Variants in KLHL1 observed in about 807,000 individuals in gnomAD.
The protein encoded by KLHL1 is kelch-like protein 1.
KLHL1 carries 47 observed loss-of-function variants against 77.7 expected under a neutral mutation model. That is an observed-to-expected ratio of 0.60 (90% CI 0.48 to 0.77). KLHL1 has a LOEUF of 0.77. Among genes scored for constraint, KLHL1 ranks in the 30% least tolerant of loss-of-function variants. KLHL1 has a pLI of 0.00. For synonymous variants in KLHL1, 360 were observed against 325.2 expected (o/e 1.11, Z -1.15); for missense variants, 925 against 910.8 (o/e 1.02, Z -0.20).
At chr13:69,728,419 GTT>G (rs1167542464) in intron 8 of KLHL1, among the ~76,000 whole-genome samples, 1 of 151,760 alleles carries the variant, frequency 6.6e-6, no homozygotes, top group African/African-American at 2.4e-5. Context: ...TTGTTTGTTT[GTT>G]TGTTTGTTTG....
chr13:69,718,709 G>A (rs1041179622), intron 9 of KLHL1, among the ~76,000 whole-genome samples: 4 of 152,072 alleles, frequency 2.6e-5, no homozygotes, highest in South Asian at 2.1e-4. Flanking sequence ...AGAACTCAGC[G>A]ATACCTGTGC....
At chr13:70,064,759 C>A (rs1886968729) in intron 1 of KLHL1, among the ~76,000 whole-genome samples, 1 of 152,134 alleles carries the variant, frequency 6.6e-6, no homozygotes, top group African/African-American at 2.4e-5. Context: ...ACAGATTTGG[C>A]TGGCGATCCA....
chr13:69,753,748 C>T (rs889359982), intron 7 of KLHL1, among the ~76,000 whole-genome samples: 20 of 152,082 alleles, frequency 1.3e-4, no homozygotes, highest in Admixed American at 1.2e-3. Flanking sequence ...TGTATTCTAA[C>T]AGGGTTCTGT....
intron 1 of KLHL1, among the ~76,000 whole-genome samples, chr13:70,055,586 T>C (rs1416212496): frequency 1.3e-5 from 2 of 152,016 alleles, no homozygotes; most frequent in Non-Finnish European, 2.9e-5. Context: ...GACAAACCTA[T>C]AAAATAATGA....
At chr13:69,988,851 A>G (rs1399230093) in intron 1 of KLHL1, among the ~76,000 whole-genome samples, 1 of 152,000 alleles carries the variant, frequency 6.6e-6, no homozygotes, top group African/African-American at 2.4e-5. Context: ...GATTGTGGAT[A>G]TTAGAGCTTT....
At chr13:69,823,283 G>T (rs1405125810) in intron 6 of KLHL1, among the ~76,000 whole-genome samples, 1 of 151,974 alleles carries the variant, frequency 6.6e-6, no homozygotes, top group Non-Finnish European at 1.5e-5. Context: ...CTCTCATTTT[G>T]CATATGAGAA....
At position 70,107,705 on chromosome 13, in the gene KLHL1, A is replaced by G; in HGVS notation, c.-6T>C. 6.6e-7 allele frequency: 1 copy of G among 1,515,550 alleles called. No homozygotes were observed. Among genetic ancestry groups the G allele is most frequent in the Non-Finnish European group, 8.8e-7 (1 of 1,136,802 alleles). 93.9% of individuals were successfully genotyped at this position (1,515,550 alleles called of 1,614,324 possible). ...TTTCGCCCAGAGCCTGACATGCTTT[A>G]CGCACAGAAGGCAAAAGGCTGGCAG... On this transcript the variant is annotated 5_prime_UTR_variant, in exon 1 of 11. Coordinates refer to ENST00000377844, the MANE Select transcript of KLHL1 (RefSeq NM_020866.3).
At position 70,107,511 on chromosome 13, in the gene KLHL1, G is replaced by A; in HGVS notation, c.189C>T (p.Ser63=). ...QSRLLKSQER[S]GVSTFWKKPS... ...GCTTCTTCCAGAAAGTGCTCACACC[G>A]CTTCTCTCTTGGCTTTTGAGCAGGC... The change falls in exon 1 of 11, where the codon AGC becomes AGT. Residue 63 remains serine, a synonymous_variant. Transcript: ENST00000377844. 2 of 1,611,754 alleles carry A rather than the reference G, an allele frequency of 1.2e-6. No individual in the cohort carries two copies. Among genetic ancestry groups the A allele is most frequent in the African/African-American group, 1.4e-5 (1 of 73,768 alleles).
At chr13:69,956,116 A>ATATATATATT (rs1491581682) in intron 3 of KLHL1, among the ~76,000 whole-genome samples, 2 of 127,970 alleles carry the variant, frequency 1.6e-5, no homozygotes, top group South Asian at 2.4e-4. Context: ...TTTATATTTG[A>ATATATATATT]TATATATATT....
At chr13:69,745,053 A>C (rs1205366972) in intron 7 of KLHL1, among the ~76,000 whole-genome samples, 1 of 151,520 alleles carries the variant, frequency 6.6e-6, no homozygotes, top group Non-Finnish European at 1.5e-5. Context: ...TTTTTTTTTT[A>C]ACCAATTTTT....
intron 1 of KLHL1, among the ~76,000 whole-genome samples, chr13:70,073,557 T>TAAA (rs35548126): frequency 3.3e-5 from 5 of 150,234 alleles, no homozygotes; most frequent in South Asian, 2.1e-4. Flanking sequence ...TAAAGTGTAA[T>TAAA]AAAAAAAAAA....
intron 8 of KLHL1, among the ~76,000 whole-genome samples, chr13:69,725,677 C>A (rs937485481): frequency 4.6e-5 from 7 of 152,128 alleles, no homozygotes; most frequent in Non-Finnish European, 8.8e-5. Flanking sequence ...GAGGATTTTG[C>A]AATAGACATC....
At chr13:69,804,297 A>AT (rs202172692) in intron 6 of KLHL1, among the ~76,000 whole-genome samples, 3 of 83,720 alleles carry the variant, frequency 3.6e-5, no homozygotes, top group Non-Finnish European at 2.7e-5. Context: ...AGACAAATAT[A>AT]ATTTTTTTGT....
chr13:70,107,789 G>T lies in KLHL1; in HGVS notation c.-90C>A. 1 of 980,302 alleles carries T rather than the reference G, an allele frequency of 1.0e-6. No individual in the cohort carries two copies. Among genetic ancestry groups the T allele is most frequent in the Non-Finnish European group, 1.5e-6 (1 of 685,940 alleles). 60.7% of individuals were successfully genotyped at this position (980,302 alleles called of 1,614,324 possible). A position where few individuals can be genotyped will look rare whatever the true frequency, so the allele number is the denominator to read the frequency against. ...GAGGACAGCGGGGCCCGGGGGCGGA[G>T]GAAGAGGCGGGATGCGCCCTCTGCA... is the stretch of plus-strand genomic sequence containing the variant. On this transcript the variant is annotated 5_prime_UTR_variant, in exon 1 of 11. Transcript: ENST00000377844.
At chr13:69,798,717 G>A (rs1877241101) in intron 6 of KLHL1, among the ~76,000 whole-genome samples, 1 of 151,980 alleles carries the variant, frequency 6.6e-6, no homozygotes, top group Admixed American at 6.6e-5. Context: ...AAAGTCATCT[G>A]GATTCTCAAA....
In KLHL1 at chr13:69,796,232, TTAAAGA is replaced by T. The variant is rs373510727; in HGVS notation, c.1639+500_1639+505del. Among the ~76,000 whole-genome samples the T allele has an allele frequency of 8.3e-4, 127 of 152,280 alleles. 1 individual carries two copies. Among genetic ancestry groups the T allele is most frequent in the African/African-American group, 3.0e-3 (123 of 41,564 alleles). The stretch of plus-strand genomic sequence containing the variant: ...TGCTTCAAATAAGCCCATAATTTAC[TTAAAGA>T]TAATGATAATTGATGACATTGTCAT... On this transcript the variant is annotated intron_variant, in intron 7 of 10. Transcript: ENST00000377844.
intron 7 of KLHL1, among the ~76,000 whole-genome samples, chr13:69,748,110 A>G (rs9572258): frequency 0.43 from 64,630 of 151,460 alleles, 14,032 homozygotes; most frequent in African/African-American, 0.47. Flanking sequence ...ATAAATATTG[A>G]AAGATTTATA....
chr13:69,921,576 A>G (rs1882636708), intron 4 of KLHL1, among the ~76,000 whole-genome samples: 1 of 152,190 alleles, frequency 6.6e-6, no homozygotes, highest in African/African-American at 2.4e-5. Flanking sequence ...TGTGAAGACA[A>G]ACCTTCAAAT....
intron 10 of KLHL1, among the ~76,000 whole-genome samples, chr13:69,704,929 C>T (rs1306927866): frequency 1.3e-5 from 2 of 149,640 alleles, no homozygotes; most frequent in African/African-American, 2.5e-5. Flanking sequence ...TATCTATTGT[C>T]TACAAATAAA....
Sources: allele counts gnomAD v4.1 joint callset (sites outside exome capture counted in the v4.1 genomes callset), GRCh38; gene constraint gnomAD v4.1.1; transcripts MANE v1.5; gene names NCBI Gene and HGNC (gene_info 2026-07-23, HGNC 2026-07-21).